TBC1D16: variants seen among roughly 807,000 people sequenced by gnomAD.
TBC1D16 encodes CTD-2529O21.1.
TBC1D16 carries 58 observed loss-of-function variants against 74.7 expected under a neutral mutation model. The observed-to-expected ratio is 0.78, with a 90% CI of 0.63 to 0.97. The LOEUF (loss-of-function observed/expected upper bound fraction) is 0.97, where lower values mean the gene tolerates loss of function less well. Among genes scored for constraint, TBC1D16 ranks in the 50% least tolerant of loss-of-function variants. The pLI is 0.00. For synonymous variants in TBC1D16, 493 were observed against 474.7 expected (o/e 1.04, Z -0.50); for missense variants, 1,014 against 1,079.5 (o/e 0.94, Z 0.85).
Position 79,983,497 on chromosome 17 carries a change from G to C in TBC1D16, c.779+26663C>G, listed in dbSNP as rs2034678767. Reference sequence around the variant, plus strand: ...AACCTGGGGAACAGCCATGGAGACAGTGTCCCCCTATTGGAGTGAGCACCC... The same window carrying C: ...AACCTGGGGAACAGCCATGGAGACACTGTCCCCCTATTGGAGTGAGCACCC... On this transcript the variant is annotated intron_variant, in intron 3 of 11. Transcript: ENST00000310924. The surrounding 1 kb of genome is among the most constrained non-coding windows in gnomAD (Gnocchi z 5.6). Among the ~76,000 whole-genome samples, 1 of 152,226 alleles carries C rather than the reference G, an allele frequency of 6.6e-6. No homozygotes were observed. The highest frequency in any genetic ancestry group is 2.1e-4 in the South Asian group (1 of 4,832).
rs1410172511 is a variant in TBC1D16 at position 79,944,907 on chromosome 17, C to T, written c.1908+1G>A. 6.5e-7 allele frequency: 1 copy of T among 1,549,394 alleles called. No homozygotes were observed. Among genetic ancestry groups the T allele is most frequent in the Non-Finnish European group, 8.7e-7 (1 of 1,146,708 alleles). ...CCAGCCCTGGCCCCTGCCCTGGTCA[C>T]CTGGTAGTGGGCCCAGCAGGCCTCC... On this transcript the variant is annotated splice_donor_variant, in intron 10 of 11. Transcript: ENST00000310924. LOFTEE classifies it high-confidence loss of function. The surrounding 1 kb of genome is among the most constrained non-coding windows in gnomAD (Gnocchi z 7.7).
intron 3 of TBC1D16, among the ~76,000 whole-genome samples, chr17:79,972,652 G>A (rs369628711): frequency 7.1e-4 from 108 of 152,302 alleles, no homozygotes; most frequent in African/African-American, 2.5e-3. Context: ...CAGGGGCTTG[G>A]GGGAGAGGAG....
intron 3 of TBC1D16, among the ~76,000 whole-genome samples, chr17:79,964,206 C>A (rs1261848107): frequency 6.6e-6 from 1 of 152,002 alleles, no homozygotes; most frequent in Non-Finnish European, 1.5e-5. Flanking sequence ...GAACTCCTGA[C>A]CTCAGGTGAT....
intron 10 of TBC1D16, chr17:79,943,928 T>G: frequency 6.9e-7 from 1 of 1,455,182 alleles, no homozygotes. Flanking sequence ...TCTCAGACCG[T>G]CCATGCCGTG....
At chr17:79,978,294 C>T (rs972753135) in intron 3 of TBC1D16, among the ~76,000 whole-genome samples, 1 of 152,380 alleles carries the variant, frequency 6.6e-6, no homozygotes, top group South Asian at 2.1e-4. Context: ...GTCTCCGCTC[C>T]GGCGATTAAC....
intron 1 of TBC1D16, among the ~76,000 whole-genome samples, chr17:80,025,458 G>C (rs1012579837): frequency 6.7e-6 from 1 of 150,266 alleles, no homozygotes; most frequent in African/African-American, 2.5e-5. Context: ...CTGTGAGCTG[G>C]AGGAGGGGGC....
chr17:79,995,734 G>T (rs772839789), intron 3 of TBC1D16, among the ~76,000 whole-genome samples: 1 of 152,032 alleles, frequency 6.6e-6, no homozygotes, highest in Non-Finnish European at 1.5e-5. Flanking sequence ...GCAGTGAGCC[G>T]AGATCGCGCC....
intron 3 of TBC1D16, among the ~76,000 whole-genome samples, chr17:79,998,768 A>G (rs1054114003): frequency 6.6e-6 from 1 of 152,328 alleles, no homozygotes; most frequent in South Asian, 2.1e-4. Flanking sequence ...CACCGTTCGC[A>G]CATCCACCCA....
chr17:79,953,385 A>T (rs967382075), intron 3 of TBC1D16, among the ~76,000 whole-genome samples: 8 of 152,264 alleles, frequency 5.3e-5, no homozygotes, highest in East Asian at 1.9e-4. Flanking sequence ...ATCAGCATTT[A>T]TTAAAACACT....
In TBC1D16 at chr17:79,937,567, C is replaced by G. The variant is rs2031697750; in HGVS notation, c.*3292G>C. 1.3e-5 allele frequency: 2 copies of G among 152,374 alleles called. No homozygotes were observed. The highest frequency in any genetic ancestry group is 2.9e-5 in the Non-Finnish European group (2 of 68,146). 9.4% of individuals were successfully genotyped at this position (152,374 alleles called of 1,614,324 possible). A position where few individuals can be genotyped will look rare whatever the true frequency, so the allele number is the denominator to read the frequency against. On this transcript the variant is annotated 3_prime_UTR_variant, in exon 12 of 12. Transcript: ENST00000310924. ...TGCCCTCCCACCTTCAGACCCTCCT[C>G]CTCCCCCGCAGGGGTGGGCTGGGGC...
chr17:79,955,154 G>A (rs2033277714), intron 3 of TBC1D16, among the ~76,000 whole-genome samples: 1 of 152,190 alleles, frequency 6.6e-6, no homozygotes. Flanking sequence ...TTAATGGATT[G>A]ATTCATTAAT....
Position 79,958,164 on chromosome 17 carries a change from G to C in TBC1D16, c.780-5346C>G, listed in dbSNP as rs541448852. 7.3e-5 allele frequency among the ~76,000 whole-genome samples: 11 copies of C among 151,618 alleles called. No individual in the cohort carries two copies. The East Asian group carries it at 1.7e-3, about 24-fold the overall frequency. On this transcript the variant is annotated intron_variant, in intron 3 of 11. Coordinates refer to ENST00000310924, the MANE Select transcript of TBC1D16 (RefSeq NM_019020.4). ...AAATCTAGTGTGGTAAAGGATTTGG[G>C]GAAACAGACATTCTCATTCAGCTCA...
chr17:79,972,529 C>T (rs2034155833), intron 3 of TBC1D16, among the ~76,000 whole-genome samples: 1 of 152,150 alleles, frequency 6.6e-6, no homozygotes, highest in African/African-American at 2.4e-5. Context: ...TGACACCTGA[C>T]GTTACGCTAA....
chr17:79,997,663 G>A (rs1353839740), intron 3 of TBC1D16, among the ~76,000 whole-genome samples: 3 of 152,192 alleles, frequency 2.0e-5, no homozygotes, highest in African/African-American at 7.2e-5. Flanking sequence ...TACCATTAAT[G>A]TCTTGCATTT....
chr17:79,988,577 C>A lies in TBC1D16; in HGVS notation c.779+21583G>T, dbSNP rs1449960048. Among the ~76,000 whole-genome samples the A allele has an allele frequency of 1.3e-5, 2 of 152,212 alleles. No homozygotes were observed. The highest frequency in any genetic ancestry group is 2.9e-5 in the Non-Finnish European group (2 of 68,042). Reference sequence around the variant, plus strand: ...GCAAGCCAGGGTCCTGGTGAACGCACGTGCCTGCGTTCTGTACCAAACAGT... The same window carrying A: ...GCAAGCCAGGGTCCTGGTGAACGCAAGTGCCTGCGTTCTGTACCAAACAGT... On this transcript the variant is annotated intron_variant, in intron 3 of 11. Transcript: ENST00000310924. This position sits in a 1 kb window ranked among gnomAD's most constrained non-coding sequence, Gnocchi z 5.7.
intron 3 of TBC1D16, among the ~76,000 whole-genome samples, chr17:79,953,602 C>T (rs1171162092): frequency 6.6e-6 from 1 of 152,200 alleles, no homozygotes; most frequent in Non-Finnish European, 1.5e-5. Flanking sequence ...GGCCCATGTT[C>T]TCACCAGCAT....
intron 3 of TBC1D16, among the ~76,000 whole-genome samples, chr17:79,984,636 G>GGAAC (rs1449976362): frequency 1.4e-5 from 2 of 146,028 alleles, no homozygotes; most frequent in African/African-American, 5.1e-5. Context: ...AAGGAAGGAA[G>GGAAC]GAAGGAAGGA....
rs182490273 is a variant in TBC1D16, at chr17:80,001,989, C to G, written c.779+8171G>C. 6.6e-6 allele frequency among the ~76,000 whole-genome samples: 1 copy of G among 152,308 alleles called. No homozygotes were observed. Among genetic ancestry groups the G allele is most frequent in the East Asian group, 1.9e-4 (1 of 5,176 alleles). On this transcript the variant is annotated intron_variant, in intron 3 of 11. Transcript: ENST00000310924. This position sits in a 1 kb window ranked among gnomAD's most constrained non-coding sequence, Gnocchi z 5.8. ...GTCCTGATTCGTGTGCCACCGCTCA[C>G]TTCTTCGCCCACCTCCAGGAGTTTC...
At chr17:79,996,099 A>G (rs2035263924) in intron 3 of TBC1D16, among the ~76,000 whole-genome samples, 1 of 152,222 alleles carries the variant, frequency 6.6e-6, no homozygotes, top group Admixed American at 6.5e-5. Flanking sequence ...ATCTGTCTTC[A>G]TTGCAGTGAA....
Sources: gnomAD v4.1 joint callset for allele counts (sites outside exome capture counted in the v4.1 genomes callset) on GRCh38, gnomAD v4.1.1 for gene constraint, Gnocchi (gnomAD v3.1) non-coding constraint, MANE v1.5 for transcripts, NCBI Gene and HGNC (gene_info 2026-07-23, HGNC 2026-07-21) for gene names.